The following ARHGAP44 variants were observed in gnomAD, a reference collection of about 807,000 sequenced individuals.
The protein encoded by ARHGAP44 is rho GTPase-activating protein 44.
Under a neutral mutation model 106.8 loss-of-function variants are expected in ARHGAP44, and 43 were observed. The ratio of observed to expected loss-of-function variants is 0.40; its 90% confidence interval spans 0.32 to 0.52. The LOEUF (loss-of-function observed/expected upper bound fraction) is 0.52. ARHGAP44 is among the 20% of genes least tolerant of loss of function. The probability of loss-of-function intolerance (pLI) is 0.48; values close to 1 mark genes in which losing one functional copy is unlikely to be tolerated. For missense variants in ARHGAP44, 866 were observed against 1,050.5 expected, an observed-to-expected ratio of 0.82 and a Z score of 2.43; for synonymous variants, 439 against 410.3, an observed-to-expected ratio of 1.07 and a Z score of -0.85.
chr17:12,968,318 C>T (rs1215251999), intron 16 of ARHGAP44, among the ~76,000 whole-genome samples: 4 of 152,160 alleles, frequency 2.6e-5, no homozygotes, highest in Non-Finnish European at 4.4e-5. Flanking sequence ...TGACAAAGCA[C>T]GAAATATCCT....
chr17:12,913,908 G>A (rs1219466446), intron 4 of ARHGAP44, among the ~76,000 whole-genome samples: 2 of 146,336 alleles, frequency 1.4e-5, no homozygotes, highest in East Asian at 4.3e-4. Flanking sequence ...GGTGGAGTTT[G>A]TGGTGAGCCA....
At chr17:12,842,382 A>G (rs928591728) in intron 1 of ARHGAP44, among the ~76,000 whole-genome samples, 6 of 145,080 alleles carry the variant, frequency 4.1e-5, no homozygotes, top group African/African-American at 7.9e-5. Flanking sequence ...ATGCCACTGC[A>G]CTCCAGCCTG....
At chr17:12,919,702 G>C (rs1264922200) in intron 5 of ARHGAP44, 53 bp from the exon 6 acceptor site, 3 of 1,530,532 alleles carry the variant, frequency 2.0e-6, no homozygotes, top group East Asian at 4.6e-5. Flanking sequence ...GGTTCCTAAA[G>C]AATTTATCTT....
intron 6 of ARHGAP44, among the ~76,000 whole-genome samples, chr17:12,921,837 A>G (rs2038094578): frequency 6.6e-6 from 1 of 152,142 alleles, no homozygotes; most frequent in Admixed American, 6.6e-5. Flanking sequence ...TGCTTTATAA[A>G]AAGAAGCTGA....
At position 12,926,129 on chromosome 17, in the gene ARHGAP44, C is replaced by T. The variant is rs368839480; in HGVS notation, c.465-2800C>T. Among the ~76,000 whole-genome samples the T allele has an allele frequency of 1.4e-3, 206 of 152,028 alleles. 7 individuals are homozygous for T. The South Asian group carries it at 0.04, about 29-fold the overall frequency. ...CCTATAATCCCAGCACTTTGGGAGG[C>T]GAATGAGGGTGGATGGCCTGAGGTC... On this transcript the variant is annotated intron_variant, in intron 6 of 20. Coordinates refer to ENST00000379672, the MANE Select transcript of ARHGAP44 (RefSeq NM_014859.6).
intron 1 of ARHGAP44, among the ~76,000 whole-genome samples, chr17:12,863,706 A>G (rs900638127): frequency 2.6e-5 from 4 of 152,180 alleles, no homozygotes; most frequent in African/African-American, 9.7e-5. Context: ...TCTTCTGGGG[A>G]ATAGCACAGG....
In ARHGAP44 at chr17:12,990,971, CA is replaced by C. The variant is rs1235420977; in HGVS notation, c.*801del. The stretch of plus-strand genomic sequence containing the variant: ...TTTTACCCCTCTACGTACCTAAAGG[CA>C]CCCAGTTCACTAGTCTGTGGGGTCC... On this transcript the variant is annotated 3_prime_UTR_variant, in exon 21 of 21. Transcript: ENST00000379672. 3 of 152,792 alleles carry C rather than the reference CA, an allele frequency of 2.0e-5. No individual in the cohort carries two copies. The highest frequency in any genetic ancestry group is 2.0e-4 in the Admixed American group (3 of 15,314). 9.5% of individuals were successfully genotyped at this position (152,792 alleles called of 1,614,324 possible).
At chr17:12,898,566 G>A (rs2037282762) in intron 3 of ARHGAP44, among the ~76,000 whole-genome samples, 1 of 152,194 alleles carries the variant, frequency 6.6e-6, no homozygotes, top group African/African-American at 2.4e-5. Context: ...GCAGCTTTGG[G>A]TCAGCAGCTA....
intron 1 of ARHGAP44, among the ~76,000 whole-genome samples, chr17:12,880,341 C>T (rs1408305256): frequency 6.6e-6 from 1 of 152,044 alleles, no homozygotes; most frequent in Admixed American, 6.5e-5. Flanking sequence ...AACCCAGTCT[C>T]TTTCCGTTTT....
chr17:12,960,203 GA>G lies in ARHGAP44; in HGVS notation c.1523+1315del, dbSNP rs1277854770. Among the ~76,000 whole-genome samples the G allele has an allele frequency of 4.7e-5, 7 of 149,994 alleles. No homozygotes were observed. The East Asian group carries it at 9.8e-4, about 21-fold the overall frequency. ...TATTGTTCTCCACTTAGTGGAGAAA[GA>G]AAAAAAAAGGAAATTCTTAGAAATT... On this transcript the variant is annotated intron_variant, in intron 16 of 20. Transcript: ENST00000379672.
intron 1 of ARHGAP44, among the ~76,000 whole-genome samples, chr17:12,834,905 T>C (rs1039873229): frequency 2.6e-5 from 4 of 152,212 alleles, no homozygotes; most frequent in Non-Finnish European, 5.9e-5. Flanking sequence ...ATATCTACCA[T>C]GTTAGATTAT....
intron 1 of ARHGAP44, among the ~76,000 whole-genome samples, chr17:12,809,279 G>C (rs1324770362): frequency 6.6e-6 from 1 of 152,082 alleles, no homozygotes; most frequent in African/African-American, 2.4e-5. Context: ...CACATTTTCA[G>C]GTATCTTTAC....
At position 12,980,091 on chromosome 17, in the gene ARHGAP44, T is replaced by TGCACAGAAAGGAAGTCCAGGCTCC. The variant is rs770050922; in HGVS notation, c.1798_1821dup (p.Ala600_Ser607dup). ...AAAGCAAGGAACTTTCTCCAGGCTC[T>TGCACAGAAAGGAAGTCCAGGCTCC]GCACAGAAAGGAAGTCCAGGCTCCA... On this transcript the variant is annotated inframe_insertion, in exon 19 of 21. Coordinates refer to ENST00000379672, the MANE Select transcript of ARHGAP44 (RefSeq NM_014859.6). 1.5e-5 allele frequency: 25 copies of TGCACAGAAAGGAAGTCCAGGCTCC among 1,613,100 alleles called. No homozygotes were observed. The East Asian group carries it at 4.7e-4, about 30-fold the overall frequency.
chr17:12,862,113 G>A lies in ARHGAP44; in HGVS notation c.54-32827G>A, dbSNP rs139110640. Among the ~76,000 whole-genome samples the A allele has an allele frequency of 5.3e-3, 805 of 152,214 alleles. 11 individuals carry two copies. The highest frequency in any genetic ancestry group is 0.019 in the African/African-American group (776 of 41,540). On this transcript the variant is annotated intron_variant, in intron 1 of 20. Coordinates refer to ENST00000379672, the MANE Select transcript of ARHGAP44 (RefSeq NM_014859.6). ...CTTTTGGGAGGCGGGGCATTATTTT[G>A]TCTACTACAGTCAGTGAGATTCAAC... is the stretch of plus-strand genomic sequence containing the variant.
intron 6 of ARHGAP44, 83 bp downstream of exon 6, chr17:12,919,914 G>A: frequency 1.7e-6 from 2 of 1,192,146 alleles, no homozygotes; most frequent in Non-Finnish European, 2.4e-6. Flanking sequence ...GTAGGCAATT[G>A]TGTTTTCATT....
chr17:12,957,031 T>C (rs2039146615), intron 15 of ARHGAP44, among the ~76,000 whole-genome samples: 1 of 151,978 alleles, frequency 6.6e-6, no homozygotes, highest in African/African-American at 2.4e-5. Flanking sequence ...GCTCATCGCA[T>C]CCTCTGCCTC....
chr17:12,987,163 C>T, intron 20 of ARHGAP44: 1 of 1,530,746 alleles, frequency 6.5e-7, no homozygotes, highest in Non-Finnish European at 8.7e-7. Flanking sequence ...GTAAGCTGGC[C>T]CCGGCCTCGC....
chr17:12,988,779 C>T (rs1207343692), intron 20 of ARHGAP44: 4 of 152,038 alleles, frequency 2.6e-5, no homozygotes, highest in African/African-American at 9.7e-5. Flanking sequence ...TAAGTGACGG[C>T]CAGAAACTAA....
chr17:12,989,899 A>G, intron 20 of ARHGAP44, 133 bp from the exon 21 acceptor site: 1 of 1,347,722 alleles, frequency 7.4e-7, no homozygotes, highest in Non-Finnish European at 1.0e-6. Flanking sequence ...CAATGCTTAA[A>G]CCAACCTCCA....
Sources: allele counts gnomAD v4.1 joint callset (sites outside exome capture counted in the v4.1 genomes callset), GRCh38; gene constraint gnomAD v4.1.1; transcripts MANE v1.5; gene names NCBI Gene and HGNC (gene_info 2026-07-23, HGNC 2026-07-21).